UNK: variants seen among roughly 807,000 people sequenced by gnomAD.
UNK encodes the protein unk zinc finger.
In UNK, 32 loss-of-function variants were observed where a neutral mutation model predicts 97.6. That is an observed-to-expected ratio of 0.33 (90% CI 0.25 to 0.44). The LOEUF is 0.44. Ranked by LOEUF, UNK falls within the 20% of genes least tolerant of loss-of-function variation. UNK has a pLI of 1.00. For missense variants in UNK, 771 were observed against 1,098.4 expected, an observed-to-expected ratio of 0.70 and a Z score of 4.21; for synonymous variants, 441 against 461.2, an observed-to-expected ratio of 0.96 and a Z score of 0.56.
intron 13 of UNK, 78 bp downstream of exon 13, chr17:75,820,186 C>G: frequency 6.9e-7 from 1 of 1,447,086 alleles, no homozygotes; most frequent in Non-Finnish European, 9.4e-7. Context: ...GCCACCCCAT[C>G]TACGGCATAT....
chr17:75,786,415 G>A (rs1232711304), intron 1 of UNK, among the ~76,000 whole-genome samples: 1 of 152,160 alleles, frequency 6.6e-6, no homozygotes, highest in African/African-American at 2.4e-5. Context: ...TCAGCAACTT[G>A]TGTTTCTGTG....
chr17:75,812,479 G>A lies in UNK; in HGVS notation c.516G>A (p.Leu172=). ...DIRELQAMEA[L]QNGQTTVEGS... Reference sequence around the variant, plus strand: ...GGGAGCTTCAGGCCATGGAGGCCTTGCAGAATGGCCAGACCACGGTAGAGG... The same window carrying A: ...GGGAGCTTCAGGCCATGGAGGCCTTACAGAATGGCCAGACCACGGTAGAGG... Residue 172 remains leucine, a synonymous_variant, in exon 4 of 16, where the codon TTG becomes TTA. Coordinates refer to ENST00000589666, the MANE Select transcript of UNK (RefSeq NM_001080419.3). The A allele has an allele frequency of 6.2e-7, 1 of 1,612,098 alleles. No homozygotes were observed.
intron 1 of UNK, among the ~76,000 whole-genome samples, chr17:75,800,839 T>C (rs952844686): frequency 3.9e-5 from 6 of 152,170 alleles, no homozygotes; most frequent in African/African-American, 1.4e-4. Context: ...ACTCAAGTAG[T>C]TGCAACAGGA....
chr17:75,801,748 T>C (rs924782777), intron 1 of UNK, among the ~76,000 whole-genome samples: 41 of 152,106 alleles, frequency 2.7e-4, no homozygotes, highest in African/African-American at 9.6e-4. Context: ...TTTCACCATA[T>C]TGGCCAGGTT....
Position 75,817,205 on chromosome 17 carries a change from C to G in UNK, c.1105-121C>G. The stretch of plus-strand genomic sequence containing the variant: ...GGCTCCCCGAGTGGTCACTGCTGCT[C>G]GTTGGCAGATGAAAGTGGAACTGAG... On this transcript the variant is annotated intron_variant, in intron 8 of 15. Transcript: ENST00000589666. The surrounding 1 kb of genome is among the most constrained non-coding windows in gnomAD (Gnocchi z 5.8). 1 of 1,195,716 alleles carries G rather than the reference C, an allele frequency of 8.4e-7. No individual in the cohort carries two copies. 74.1% of individuals were successfully genotyped at this position (1,195,716 alleles called of 1,614,324 possible). A position where few individuals can be genotyped will look rare whatever the true frequency, so the allele number is the denominator to read the frequency against.
Position 75,817,312 on chromosome 17 carries a change from C to T in UNK, c.1105-14C>T, listed in dbSNP as rs961186543. 4 of 1,558,012 alleles carry T rather than the reference C, an allele frequency of 2.6e-6. No individual in the cohort carries two copies. The highest frequency in any genetic ancestry group is 1.7e-6 in the Non-Finnish European group (2 of 1,149,404). ...TGTGCCCACGGGCCCACTCCCTCCC[C>T]TCCTTCTCCGCAGCTCCTCTGTAGA... On this transcript the variant is annotated splice_polypyrimidine_tract_variant and intron_variant, in intron 8 of 15. Coordinates refer to ENST00000589666, the MANE Select transcript of UNK (RefSeq NM_001080419.3). The surrounding 1 kb of genome is among the most constrained non-coding windows in gnomAD (Gnocchi z 5.8).
chr17:75,809,907 C>T lies in UNK; in HGVS notation c.252C>T (p.Tyr84=), dbSNP rs755199824. 2.5e-6 allele frequency: 4 copies of T among 1,613,872 alleles called. No homozygotes were observed. The highest frequency in any genetic ancestry group is 2.2e-5 in the South Asian group (2 of 91,086). The change falls in exon 2 of 16, where the codon TAC becomes TAT. Residue 84 remains tyrosine (Y), a synonymous_variant. Transcript: ENST00000589666. ...SIRRRDGTFN[Y]SPDVYCTKYD... is the part of the protein sequence containing the mutation. ...GCCGTCGGGACGGCACCTTCAATTA[C>T]AGCCCTGACGTCTACTGCACCAAGT...
chr17:75,808,018 C>A (rs1431155822), intron 1 of UNK, among the ~76,000 whole-genome samples: 1 of 152,226 alleles, frequency 6.6e-6, no homozygotes, highest in Non-Finnish European at 1.5e-5. Context: ...TCTGCCCATT[C>A]TAACCATGCC....
At chr17:75,789,447 C>T (rs977399678) in intron 1 of UNK, among the ~76,000 whole-genome samples, 2 of 152,062 alleles carry the variant, frequency 1.3e-5, no homozygotes, top group African/African-American at 2.4e-5. Flanking sequence ...CGGCATTCTT[C>T]TGCCTCAGCC....
intron 1 of UNK, among the ~76,000 whole-genome samples, chr17:75,805,388 G>A (rs1169400774): frequency 7.9e-6 from 1 of 126,164 alleles, no homozygotes; most frequent in Non-Finnish European, 1.7e-5. Flanking sequence ...GAGTGAGACT[G>A]TCTCAAAAAG....
chr17:75,801,221 C>T lies in UNK; in HGVS notation c.105-8539C>T, dbSNP rs149498433. ...CCCAGCCAGCATACCATGTTTTATACGTTCTTCATCACCAGTGCATACCTC... is the reference window on the plus strand; with the variant it reads ...CCCAGCCAGCATACCATGTTTTATATGTTCTTCATCACCAGTGCATACCTC... On this transcript the variant is annotated intron_variant, in intron 1 of 15. Coordinates refer to ENST00000589666, the MANE Select transcript of UNK (RefSeq NM_001080419.3). Among the ~76,000 whole-genome samples the T allele has an allele frequency of 8.4e-3, 1,277 of 152,098 alleles. 14 individuals carry two copies. The highest frequency in any genetic ancestry group is 0.031 in the Middle Eastern group (9 of 294).
At chr17:75,799,928 A>G (rs1456651890) in intron 1 of UNK, among the ~76,000 whole-genome samples, 1 of 152,210 alleles carries the variant, frequency 6.6e-6, no homozygotes, top group East Asian at 1.9e-4. Flanking sequence ...AGACCTGCTC[A>G]GGCAATACAG....
chr17:75,823,161 T>C (rs1000661634), intron 14 of UNK, 104 bp from the exon 15 acceptor site: 19 of 1,489,024 alleles, frequency 1.3e-5, no homozygotes, highest in Non-Finnish European at 1.6e-5. Context: ...CCAACCCAGC[T>C]TCCCACCAGG....
intron 1 of UNK, among the ~76,000 whole-genome samples, chr17:75,786,244 T>G (rs1310508980): frequency 6.6e-6 from 1 of 152,236 alleles, no homozygotes; most frequent in Admixed American, 6.5e-5. Context: ...TTGATTTTGG[T>G]GAGATGTTCT....
chr17:75,793,680 T>G (rs1392204386), intron 1 of UNK: 1 of 985,332 alleles, frequency 1.0e-6, no homozygotes, highest in African/African-American at 1.7e-5. Context: ...TATTCACAGT[T>G]TGCTTTTCAT....
intron 1 of UNK, among the ~76,000 whole-genome samples, chr17:75,803,217 G>A (rs572666521): frequency 2.2e-5 from 3 of 136,642 alleles, no homozygotes; most frequent in African/African-American, 5.9e-5. Context: ...CTCCCAACAC[G>A]GTGAAACCCC....
In UNK at chr17:75,816,661, C is replaced by A; in HGVS notation, c.962-109C>A. On this transcript the variant is annotated intron_variant, in intron 7 of 15. Coordinates refer to ENST00000589666, the MANE Select transcript of UNK (RefSeq NM_001080419.3). The surrounding 1 kb of genome is among the most constrained non-coding windows in gnomAD (Gnocchi z 4.0). ...TTACTAGAGATGTCGTAGGAACCTT[C>A]CCTTTATGTGCAGGGGGATTTGTGG... The A allele has an allele frequency of 1.5e-6, 2 of 1,356,614 alleles. No homozygotes were observed. Among genetic ancestry groups the A allele is most frequent in the Non-Finnish European group, 2.0e-6 (2 of 1,023,540 alleles). 84.0% of individuals were successfully genotyped at this position (1,356,614 alleles called of 1,614,324 possible). A position where few individuals can be genotyped will look rare whatever the true frequency, so the allele number is the denominator to read the frequency against.
chr17:75,801,124 C>T (rs1237747300), intron 1 of UNK, among the ~76,000 whole-genome samples: 3 of 151,822 alleles, frequency 2.0e-5, no homozygotes, highest in Non-Finnish European at 4.4e-5. Context: ...AGGATGGTCT[C>T]GATCTCCTGA....
chr17:75,818,031 A>G lies in UNK; in HGVS notation c.1306-72A>G, dbSNP rs574351604. The G allele has an allele frequency of 4.0e-6, 6 of 1,487,632 alleles. No individual in the cohort carries two copies. In the African/African-American group the frequency reaches 8.3e-5, roughly 21 times the overall value. The allele number at this position is 1,487,632 out of a possible 1,614,324, so 92.2% of individuals were successfully genotyped here. A position where few individuals can be genotyped will look rare whatever the true frequency, so the allele number is the denominator to read the frequency against. On this transcript the variant is annotated intron_variant, in intron 9 of 15. Transcript: ENST00000589666. The surrounding 1 kb of genome is among the most constrained non-coding windows in gnomAD (Gnocchi z 5.1). ...CCACCACCTGCCCCCTGGTACCTGCAGCCTCAGGGTCAGATGGACTCAGGG... is the reference window on the plus strand; with the variant it reads ...CCACCACCTGCCCCCTGGTACCTGCGGCCTCAGGGTCAGATGGACTCAGGG...
Sources: gnomAD v4.1 joint callset for allele counts (sites outside exome capture counted in the v4.1 genomes callset) on GRCh38, gnomAD v4.1.1 for gene constraint, Gnocchi (gnomAD v3.1) non-coding constraint, MANE v1.5 for transcripts, NCBI Gene and HGNC (gene_info 2026-07-23, HGNC 2026-07-21) for gene names.